Variants in COA1 observed in about 807,000 individuals in gnomAD.
COA1 encodes the protein cytochrome c oxidase assembly factor 1.
A neutral mutation model predicts 16.0 loss-of-function variants in COA1; 13 were observed. The observed-to-expected ratio is 0.81, with a 90% CI of 0.53 to 1.29. The LOEUF (loss-of-function observed/expected upper bound fraction) is 1.29. COA1 is among the 50% of genes most tolerant of loss of function. The pLI is 0.00. For synonymous variants in COA1, 65 were observed against 65.7 expected (o/e 0.99, Z 0.05); for missense variants, 179 against 177.0 (o/e 1.01, Z -0.06).
intron 1 of COA1, among the ~76,000 whole-genome samples, chr7:43,681,613 A>G (rs1476590350): frequency 6.6e-6 from 1 of 152,170 alleles, no homozygotes; most frequent in Non-Finnish European, 1.5e-5. Context: ...CTTGATTCCC[A>G]TCACTATCAA....
intron 1 of COA1, among the ~76,000 whole-genome samples, chr7:43,654,203 C>T (rs1702163834): frequency 6.6e-6 from 1 of 152,164 alleles, no homozygotes; most frequent in African/African-American, 2.4e-5. Flanking sequence ...AACAGGCTGG[C>T]CAGCCCCAAA....
In COA1 at chr7:43,670,120, A is replaced by T. The variant is rs73690125; in HGVS notation, c.-38-21468T>A. On this transcript the variant is annotated intron_variant, in intron 1 of 5. Transcript: ENST00000223336. Reference sequence around the variant, plus strand: ...TGTAACAGCTCTGAATAACATGGATATTTTAAAGGTTTATGCATATATTAA... The same window carrying T: ...TGTAACAGCTCTGAATAACATGGATTTTTTAAAGGTTTATGCATATATTAA... Among the ~76,000 whole-genome samples, 316 of 152,286 alleles carry T rather than the reference A, an allele frequency of 2.1e-3. 1 individual carries two copies. The highest frequency in any genetic ancestry group is 7.2e-3 in the African/African-American group (301 of 41,540).
chr7:43,672,170 A>G (rs2093301625), intron 1 of COA1, among the ~76,000 whole-genome samples: 1 of 152,164 alleles, frequency 6.6e-6, no homozygotes, highest in African/African-American at 2.4e-5. Context: ...TCCCTAACTC[A>G]TTATTTGAGT....
At chr7:43,633,009 T>A (rs977575350) in intron 6 of COA1, 1 of 152,234 alleles carries the variant, frequency 6.6e-6, no homozygotes, top group South Asian at 2.1e-4. Context: ...TCAATGAGCA[T>A]TGGCTTTAAC....
intron 4 of COA1, among the ~76,000 whole-genome samples, chr7:43,643,478 G>T (rs1020831187): frequency 2.0e-5 from 3 of 152,210 alleles, no homozygotes; most frequent in Non-Finnish European, 4.4e-5. Flanking sequence ...CGGTGGCCTG[G>T]CACAGAGTGA....
chr7:43,656,917 G>A (rs1311935923), intron 1 of COA1, among the ~76,000 whole-genome samples: 3 of 151,394 alleles, frequency 2.0e-5, no homozygotes, highest in Non-Finnish European at 3.0e-5. Flanking sequence ...AGTCAAGGCC[G>A]GTTGCGGTGG....
intron 1 of COA1, among the ~76,000 whole-genome samples, chr7:43,690,407 G>A (rs1014097042): frequency 3.3e-5 from 5 of 151,840 alleles, no homozygotes; most frequent in Non-Finnish European, 7.4e-5. Context: ...ACATATATAT[G>A]TATGTACAGA....
chr7:43,627,971 C>CT (rs914546295), intron 6 of COA1, among the ~76,000 whole-genome samples: 14 of 151,794 alleles, frequency 9.2e-5, no homozygotes, highest in Admixed American at 3.9e-4. Flanking sequence ...CAGTTTGTTG[C>CT]TTTTTCTTGT....
intron 1 of COA1, among the ~76,000 whole-genome samples, chr7:43,726,567 A>G (rs1057184441): frequency 6.6e-6 from 1 of 152,268 alleles, no homozygotes. Context: ...GGCAAATTAT[A>G]AAGTTTTTCC....
At chr7:43,687,636 CATG>C (rs2094098789) in intron 1 of COA1, among the ~76,000 whole-genome samples, 1 of 152,142 alleles carries the variant, frequency 6.6e-6, no homozygotes, top group South Asian at 2.1e-4. Context: ...GTTCAAAACA[CATG>C]ATAAAAGTTA....
intron 1 of COA1, among the ~76,000 whole-genome samples, chr7:43,714,169 C>G (rs1008755779): frequency 6.6e-6 from 1 of 151,796 alleles, no homozygotes; most frequent in Admixed American, 6.6e-5. Flanking sequence ...GCCTGGGTGA[C>G]AGAGCAAAAC....
At chr7:43,711,582 G>A (rs752010085) in intron 1 of COA1, 2 of 152,124 alleles carry the variant, frequency 1.3e-5, no homozygotes, top group Non-Finnish European at 1.5e-5. Context: ...TAACAATCAG[G>A]ATACATTCTA....
At chr7:43,708,144 C>T (rs1167306929) in intron 1 of COA1, among the ~76,000 whole-genome samples, 13 of 152,122 alleles carry the variant, frequency 8.5e-5, no homozygotes, top group Non-Finnish European at 7.3e-5. Context: ...GCGGAGGTTG[C>T]GGTGAGCCAA....
chr7:43,665,041 G>A (rs2092783615), intron 1 of COA1, among the ~76,000 whole-genome samples: 1 of 151,922 alleles, frequency 6.6e-6, no homozygotes, highest in Non-Finnish European at 1.5e-5. Context: ...TTGAAACTCT[G>A]TCTCAAAATA....
intron 1 of COA1, among the ~76,000 whole-genome samples, chr7:43,729,224 C>T (rs879041837): frequency 2.0e-5 from 3 of 152,218 alleles, no homozygotes; most frequent in South Asian, 2.1e-4. Flanking sequence ...TCCGAGCGGA[C>T]GGAGCCACTG....
At chr7:43,712,590 T>C (rs538126625) in intron 1 of COA1, among the ~76,000 whole-genome samples, 2 of 152,310 alleles carry the variant, frequency 1.3e-5, no homozygotes, top group Admixed American at 6.5e-5. Context: ...GGCCCCAGTG[T>C]GGGTATATTT....
intron 3 of COA1, 57 bp from the exon 4 acceptor site, chr7:43,645,456 T>A: frequency 6.7e-7 from 1 of 1,493,510 alleles, no homozygotes; most frequent in Non-Finnish European, 9.3e-7. Context: ...TAGAATCTAC[T>A]ACACAGAAAA....
intron 6 of COA1, among the ~76,000 whole-genome samples, chr7:43,629,441 AGT>A (rs544176548): frequency 2.5e-4 from 38 of 152,260 alleles, no homozygotes; most frequent in African/African-American, 6.5e-4. Context: ...TTTTCTCAGC[AGT>A]GTTTTACATT....
intron 5 of COA1, 84 bp from the exon 6 acceptor site, chr7:43,639,765 G>A: frequency 9.4e-7 from 1 of 1,059,532 alleles, no homozygotes; most frequent in Non-Finnish European, 1.4e-6. Context: ...GCGGAAAGCA[G>A]TTGTTTTGAA....
Sources: allele counts gnomAD v4.1 joint callset (sites outside exome capture counted in the v4.1 genomes callset), GRCh38; gene constraint gnomAD v4.1.1; transcripts MANE v1.5; gene names NCBI Gene and HGNC (gene_info 2026-07-23, HGNC 2026-07-21).